GNA12: variants seen among roughly 807,000 people sequenced by gnomAD.
GNA12 encodes G protein subunit alpha 12, also known as guanine nucleotide-binding protein subunit alpha-12.
In GNA12, 9 loss-of-function variants were observed where a neutral mutation model predicts 26.0. The ratio of observed to expected loss-of-function variants is 0.35; its 90% confidence interval spans 0.21 to 0.60. The LOEUF (loss-of-function observed/expected upper bound fraction) is 0.60. Among genes scored for constraint, GNA12 ranks in the 20% least tolerant of loss-of-function variants. The probability of loss-of-function intolerance (pLI) is 0.78; values close to 1 mark genes in which losing one functional copy is unlikely to be tolerated. For synonymous variants in GNA12, 264 were observed against 219.6 expected, an observed-to-expected ratio of 1.20 and a Z score of -1.79; for missense variants, 405 against 525.8, an observed-to-expected ratio of 0.77 and a Z score of 2.25.
intron 2 of GNA12, 71 bp downstream of exon 2, chr7:2,794,855 TCA>T: frequency 9.1e-7 from 1 of 1,097,210 alleles, no homozygotes; most frequent in Non-Finnish European, 1.4e-6. Flanking sequence ...TTAAGGAAAT[TCA>T]ACTAACGGTC....
At chr7:2,767,725 C>A (rs978076123) in intron 2 of GNA12, among the ~76,000 whole-genome samples, 2 of 152,222 alleles carry the variant, frequency 1.3e-5, no homozygotes, top group Non-Finnish European at 2.9e-5. Flanking sequence ...CAGAAACTTT[C>A]AGATTTTGGA....
At chr7:2,749,212 G>T (rs933468340) in intron 2 of GNA12, among the ~76,000 whole-genome samples, 1 of 152,050 alleles carries the variant, frequency 6.6e-6, no homozygotes, top group Non-Finnish European at 1.5e-5. Context: ...ACATGCACAC[G>T]TGTGTTTATT....
rs560848657 is a variant in GNA12, at chr7:2,844,244, C to G, written c.-83G>C. The G allele has an allele frequency of 4.8e-6, 3 of 629,440 alleles. No homozygotes were observed. Among genetic ancestry groups the G allele is most frequent in the Non-Finnish European group, 5.9e-6 (3 of 507,070 alleles). 39.0% of individuals were successfully genotyped at this position (629,440 alleles called of 1,614,324 possible). On this transcript the variant is annotated 5_prime_UTR_variant, in exon 1 of 4. Coordinates refer to ENST00000275364, the MANE Select transcript of GNA12 (RefSeq NM_007353.3). ...CGGCGAGGGCGAGCCCGGGCCGAGG[C>G]ACCGCCCCACGCCCCGCCGCTCGCC...
chr7:2,787,448 G>A (rs977739762), intron 2 of GNA12, among the ~76,000 whole-genome samples: 3 of 152,108 alleles, frequency 2.0e-5, no homozygotes, highest in Admixed American at 1.3e-4. Context: ...CCCACCTCCC[G>A]TCAGCCTCCC....
intron 1 of GNA12, among the ~76,000 whole-genome samples, chr7:2,820,524 C>T (rs1177784851): frequency 6.7e-6 from 1 of 148,976 alleles, no homozygotes; most frequent in South Asian, 2.1e-4. Context: ...CAAAACCTAT[C>T]GCTACAAAAA....
chr7:2,785,450 G>A (rs1040970027), intron 2 of GNA12, among the ~76,000 whole-genome samples: 2 of 152,194 alleles, frequency 1.3e-5, no homozygotes, highest in Admixed American at 1.3e-4. Context: ...CACTATGGAA[G>A]TTAATTTAGC....
intron 1 of GNA12, among the ~76,000 whole-genome samples, chr7:2,818,906 G>GT (rs1583306970): frequency 1.3e-5 from 2 of 152,202 alleles, no homozygotes; most frequent in African/African-American, 4.8e-5. Context: ...CTAGAAGGCT[G>GT]TAAGGCAGGC....
chr7:2,747,869 A>G (rs1421681169), intron 2 of GNA12, among the ~76,000 whole-genome samples: 4 of 152,132 alleles, frequency 2.6e-5, no homozygotes, highest in African/African-American at 9.7e-5. Context: ...TACACCAATA[A>G]CAGACAAACA....
At chr7:2,750,455 T>C (rs990611038) in intron 2 of GNA12, among the ~76,000 whole-genome samples, 4 of 152,212 alleles carry the variant, frequency 2.6e-5, no homozygotes, top group Non-Finnish European at 4.4e-5. Context: ...CCTGAAGCCT[T>C]GAATAATACC....
At chr7:2,840,968 T>C (rs1778973759) in intron 1 of GNA12, among the ~76,000 whole-genome samples, 1 of 152,252 alleles carries the variant, frequency 6.6e-6, no homozygotes, top group Non-Finnish European at 1.5e-5. Flanking sequence ...AATTGAAAGA[T>C]GAATTTCTAA....
intron 1 of GNA12, among the ~76,000 whole-genome samples, chr7:2,819,133 C>T (rs900689814): frequency 1.3e-5 from 2 of 152,140 alleles, no homozygotes; most frequent in Non-Finnish European, 2.9e-5. Flanking sequence ...CCTTGTGAGC[C>T]GCTCGCTGCT....
intron 1 of GNA12, among the ~76,000 whole-genome samples, chr7:2,816,459 G>A (rs559629705): frequency 4.6e-5 from 7 of 152,326 alleles, no homozygotes; most frequent in Non-Finnish European, 8.8e-5. Context: ...TCAAACTCCT[G>A]ACCTCAGGTG....
intron 3 of GNA12, among the ~76,000 whole-genome samples, chr7:2,732,848 C>G (rs1562391300): frequency 6.6e-6 from 1 of 152,174 alleles, no homozygotes; most frequent in Non-Finnish European, 1.5e-5. Flanking sequence ...TTAAGTGATC[C>G]TGACCAATGG....
chr7:2,789,478 A>C (rs1370688203), intron 2 of GNA12, among the ~76,000 whole-genome samples: 1 of 152,112 alleles, frequency 6.6e-6, no homozygotes, highest in Non-Finnish European at 1.5e-5. Flanking sequence ...TTCTGGAAAA[A>C]CAGCAACTCA....
At chr7:2,762,685 C>A in intron 2 of GNA12, 1 of 1,584,990 alleles carries the variant, frequency 6.3e-7, no homozygotes, top group South Asian at 1.2e-5. Context: ...GGAAAGAAAC[C>A]ACGCTGCCCG....
At chr7:2,837,156 G>A (rs886124678) in intron 1 of GNA12, among the ~76,000 whole-genome samples, 25 of 146,204 alleles carry the variant, frequency 1.7e-4, no homozygotes, top group African/African-American at 6.2e-4. Flanking sequence ...CCAGGGTGGT[G>A]TCAGCAGGGC....
At chr7:2,829,149 G>C (rs963292331) in intron 1 of GNA12, among the ~76,000 whole-genome samples, 1 of 152,034 alleles carries the variant, frequency 6.6e-6, no homozygotes, top group African/African-American at 2.4e-5. Flanking sequence ...ACCTCCATGA[G>C]AGCAGAGACC....
At chr7:2,762,667 A>C in intron 2 of GNA12, 3 of 1,598,096 alleles carry the variant, frequency 1.9e-6, no homozygotes. Context: ...TGAGAGGATA[A>C]ATCATTTGGA....
intron 2 of GNA12, among the ~76,000 whole-genome samples, chr7:2,785,957 C>G (rs2527683): frequency 0.36 from 54,308 of 152,140 alleles, 10,642 homozygotes; most frequent in Admixed American, 0.44. Context: ...ATCCCAGCTA[C>G]TCGGGAGGCT....
Sources: gnomAD v4.1 joint callset for allele counts (sites outside exome capture counted in the v4.1 genomes callset) on GRCh38, gnomAD v4.1.1 for gene constraint, MANE v1.5 for transcripts, NCBI Gene and HGNC (gene_info 2026-07-23, HGNC 2026-07-21) for gene names.